Variants in MCU observed in about 807,000 individuals in gnomAD.
The protein encoded by MCU is calcium uniporter protein, mitochondrial.
MCU carries 12 observed loss-of-function variants against 45.2 expected under a neutral mutation model. The ratio of observed to expected loss-of-function variants is 0.27; its 90% CI spans 0.17 to 0.43. The LOEUF (loss-of-function observed/expected upper bound fraction) is 0.43. Among genes scored for constraint, MCU ranks in the 20% least tolerant of loss-of-function variants. The pLI is 1.00. For synonymous variants in MCU, 160 were observed against 165.1 expected (o/e 0.97, Z 0.24); for missense variants, 324 against 436.7 (o/e 0.74, Z 2.30).
At chr10:72,717,593 A>G (rs1370499238) in intron 1 of MCU, among the ~76,000 whole-genome samples, 2 of 152,160 alleles carry the variant, frequency 1.3e-5, no homozygotes, top group African/African-American at 4.8e-5. Flanking sequence ...AAGTGCTTAT[A>G]GTATATACTC....
intron 1 of MCU, among the ~76,000 whole-genome samples, chr10:72,724,118 G>A (rs908980081): frequency 2.0e-5 from 3 of 152,190 alleles, no homozygotes; most frequent in Non-Finnish European, 4.4e-5. Flanking sequence ...TATTACACAT[G>A]TATGTTGTTT....
chr10:72,782,800 A>G (rs1309711489), intron 1 of MCU, among the ~76,000 whole-genome samples: 2 of 152,182 alleles, frequency 1.3e-5, no homozygotes, highest in South Asian at 2.1e-4. Context: ...GGGCTTATGT[A>G]TTATTCGTAT....
Position 72,885,906 on chromosome 10 carries a change from A to G in MCU, c.*84A>G. ...GCATTGCAGGTGGAAGCTGGGAGCC[A>G]TGTGGGGGGTAGAGCGTTTTTACCT... On this transcript the variant is annotated 3_prime_UTR_variant, in exon 8 of 8. Transcript: ENST00000373053. 9.2e-7 allele frequency: 1 copy of G among 1,081,378 alleles called. No homozygotes were observed. The highest frequency in any genetic ancestry group is 1.4e-6 in the Non-Finnish European group (1 of 705,126). The allele number at this position is 1,081,378 out of a possible 1,614,324, so 67.0% of individuals were successfully genotyped here.
chr10:72,866,501 A>C (rs1845459283), intron 4 of MCU, among the ~76,000 whole-genome samples: 4 of 152,080 alleles, frequency 2.6e-5, no homozygotes, highest in Admixed American at 1.3e-4. Flanking sequence ...GGTTCAAGCG[A>C]GTCTCCAGCC....
At chr10:72,692,928 A>ATTGCG in intron 1 of MCU, 1 of 1,520,808 alleles carries the variant, frequency 6.6e-7, no homozygotes, top group Non-Finnish European at 8.8e-7. Context: ...TGGATGCTGC[A>ATTGCG]TTGCTTCAGG....
chr10:72,726,256 C>CAT (rs112936516), intron 1 of MCU, among the ~76,000 whole-genome samples: 2 of 145,586 alleles, frequency 1.4e-5, no homozygotes, highest in Non-Finnish European at 3.0e-5. Context: ...CACACACACA[C>CAT]GTGTGTGTGT....
intron 1 of MCU, among the ~76,000 whole-genome samples, chr10:72,788,713 C>T (rs1844114322): frequency 6.6e-6 from 1 of 152,234 alleles, no homozygotes; most frequent in East Asian, 1.9e-4. Context: ...TTTTACACCA[C>T]ATCCATATTT....
chr10:72,777,904 C>T (rs964111393), intron 1 of MCU, among the ~76,000 whole-genome samples: 1 of 152,212 alleles, frequency 6.6e-6, no homozygotes, highest in East Asian at 1.9e-4. Flanking sequence ...AGAAGACATA[C>T]AAATGGCCAA....
chr10:72,825,594 A>G (rs1844786506), intron 1 of MCU, among the ~76,000 whole-genome samples: 1 of 152,106 alleles, frequency 6.6e-6, no homozygotes, highest in Non-Finnish European at 1.5e-5. Flanking sequence ...TTCCTAAGTT[A>G]TTCACCACCC....
rs570768721 is a variant in MCU, at chr10:72,738,302, C to T, written c.150+46001C>T. Among the ~76,000 whole-genome samples, 5 of 152,268 alleles carry T rather than the reference C, an allele frequency of 3.3e-5. No individual in the cohort carries two copies. The East Asian group carries it at 9.6e-4, about 29-fold the overall frequency. On this transcript the variant is annotated intron_variant, in intron 1 of 7. Coordinates refer to ENST00000373053, the MANE Select transcript of MCU (RefSeq NM_138357.3). The stretch of plus-strand genomic sequence containing the variant: ...ATATGTCCAACAAATCAAAAATAGC[C>T]TCCTGGAGTGAAGAAGAGAGCCAAT...
At chr10:72,767,520 AT>A (rs905333158) in intron 1 of MCU, among the ~76,000 whole-genome samples, 3 of 151,492 alleles carry the variant, frequency 2.0e-5, no homozygotes, top group African/African-American at 7.3e-5. Context: ...CTGTGTTTTA[AT>A]TTTTTTTGTA....
At chr10:72,882,048 A>G (rs1365492214) in intron 6 of MCU, among the ~76,000 whole-genome samples, 1 of 152,208 alleles carries the variant, frequency 6.6e-6, no homozygotes, top group Non-Finnish European at 1.5e-5. Context: ...AGTTCCCCAA[A>G]TTAATACTTT....
At chr10:72,744,420 C>A (rs996621860) in intron 1 of MCU, among the ~76,000 whole-genome samples, 3 of 152,138 alleles carry the variant, frequency 2.0e-5, no homozygotes, top group African/African-American at 7.2e-5. Flanking sequence ...TTTTGGCTCA[C>A]TGGCCATAGC....
intron 2 of MCU, among the ~76,000 whole-genome samples, chr10:72,853,051 C>T (rs774137194): frequency 6.6e-6 from 1 of 152,164 alleles, no homozygotes; most frequent in Non-Finnish European, 1.5e-5. Flanking sequence ...GCCAAACTAA[C>T]ATGCAACTAA....
chr10:72,731,510 A>G (rs1564541045), intron 1 of MCU, among the ~76,000 whole-genome samples: 3 of 152,138 alleles, frequency 2.0e-5, no homozygotes, highest in Non-Finnish European at 4.4e-5. Context: ...CAGTGGTTTT[A>G]AGGTAGTCAC....
intron 1 of MCU, among the ~76,000 whole-genome samples, chr10:72,695,378 A>G (rs1161453924): frequency 6.6e-6 from 1 of 152,224 alleles, no homozygotes; most frequent in Non-Finnish European, 1.5e-5. Flanking sequence ...GGCAGGTCCT[A>G]ACTCTTTAAT....
At chr10:72,692,939 A>G (rs893609506) in intron 1 of MCU, 18 of 1,524,756 alleles carry the variant, frequency 1.2e-5, no homozygotes, top group African/African-American at 1.4e-5. Flanking sequence ...TTGCTTCAGG[A>G]GGCAAGCTTC....
intron 1 of MCU, among the ~76,000 whole-genome samples, chr10:72,706,358 A>G (rs1054859838): frequency 3.9e-5 from 6 of 152,160 alleles, no homozygotes; most frequent in African/African-American, 1.4e-4. Context: ...CTCAGAAGGT[A>G]TAACAATATA....
intron 5 of MCU, 125 bp from the exon 6 acceptor site, chr10:72,871,252 T>TA: frequency 1.2e-6 from 1 of 832,300 alleles, no homozygotes; most frequent in Admixed American, 2.1e-5. Context: ...AGACAAGCTA[T>TA]ATTTACTAGA....
Sources: allele counts gnomAD v4.1 joint callset (sites outside exome capture counted in the v4.1 genomes callset), GRCh38; gene constraint gnomAD v4.1.1; transcripts MANE v1.5; gene names NCBI Gene and HGNC (gene_info 2026-07-23, HGNC 2026-07-21).